The following DDX60L variants were observed in gnomAD, a reference collection of about 807,000 sequenced individuals.
The protein encoded by DDX60L is probable ATP-dependent RNA helicase DDX60-like.
In DDX60L, 191 loss-of-function variants were observed where a neutral mutation model predicts 211.6. The ratio of observed to expected loss-of-function variants is 0.90; its 90% CI spans 0.80 to 1.02. DDX60L has a LOEUF of 1.02. DDX60L is among the 50% of genes least tolerant of loss of function. DDX60L has a pLI of 0.00. For synonymous variants in DDX60L, 706 were observed against 694.1 expected, an observed-to-expected ratio of 1.02 and a Z score of -0.27; for missense variants, 2,007 against 1,984.1, an observed-to-expected ratio of 1.01 and a Z score of -0.22.
At position 168,442,365 on chromosome 4, in the gene DDX60L, T is replaced by C. The variant is rs1299175486; in HGVS notation, c.1139-873A>G. 4.0e-5 allele frequency among the ~76,000 whole-genome samples: 6 copies of C among 150,552 alleles called. 1 individual carries two copies. Among genetic ancestry groups the C allele is most frequent in the Admixed American group, 4.0e-4 (6 of 15,064 alleles). Reference sequence around the variant, plus strand: ...CTCAGAGGGTCCTACGCCCACGGAGTCTCGCTGATTGCTAGCACAGCAGTC... The same window carrying C: ...CTCAGAGGGTCCTACGCCCACGGAGCCTCGCTGATTGCTAGCACAGCAGTC... On this transcript the variant is annotated intron_variant, in intron 9 of 37. Transcript: ENST00000682922.
intron 7 of DDX60L, 147 bp from the exon 8 acceptor site, chr4:168,453,429 C>G (rs1756084280): frequency 2.7e-6 from 2 of 743,718 alleles, no homozygotes; most frequent in Non-Finnish European, 4.2e-6. Context: ...CTTGGCTGCA[C>G]TGATACAGAA....
chr4:168,416,806 G>T lies in DDX60L; in HGVS notation c.2611-9C>A. The T allele has an allele frequency of 7.1e-7, 1 of 1,417,208 alleles. No individual in the cohort carries two copies. Among genetic ancestry groups the T allele is most frequent in the Non-Finnish European group, 9.6e-7 (1 of 1,045,488 alleles). The allele number at this position is 1,417,208 out of a possible 1,614,324, so 87.8% of individuals were successfully genotyped here. ...CTGCCAAGATAATGGACCTAGTAAA[G>T]AAAAAAAAATCAGTTGAAAAGTTGA... On this transcript the variant is annotated splice_polypyrimidine_tract_variant and intron_variant, in intron 19 of 37. Transcript: ENST00000682922.
chr4:168,431,525 G>T (rs1752335677), intron 12 of DDX60L, among the ~76,000 whole-genome samples: 2 of 145,492 alleles, frequency 1.4e-5, no homozygotes, highest in South Asian at 4.4e-4. Context: ...ACACAGGAAG[G>T]GGAACATCAC....
intron 29 of DDX60L, among the ~76,000 whole-genome samples, chr4:168,390,693 C>T (rs1173630579): frequency 6.6e-6 from 1 of 151,050 alleles, no homozygotes; most frequent in Admixed American, 6.6e-5. Flanking sequence ...CTTTGACTTA[C>T]AATATATATC....
Position 168,416,698 on chromosome 4 carries a change from G to A in DDX60L, c.2710C>T (p.Pro904Ser). Residue 904 changes from proline to serine, a missense_variant, in exon 20 of 38, where the codon CCA (proline) becomes TCA (serine). Coordinates refer to ENST00000682922, the MANE Select transcript of DDX60L (RefSeq NM_001012967.3). ...TATACCTACTTGGTGAGAAGATTTG[G>A]GTTATTTATGGTAGCTGAAAGAACC... Reference protein sequence around the residue: ...FLVLSATINNPNLLTKWLQSV... With the variant: ...FLVLSATINNSNLLTKWLQSV... 6.3e-7 allele frequency: 1 copy of A among 1,595,464 alleles called. No homozygotes were observed. Among genetic ancestry groups the A allele is most frequent in the Non-Finnish European group, 8.5e-7 (1 of 1,173,040 alleles).
intron 12 of DDX60L, 53 bp from the exon 13 acceptor site, chr4:168,430,691 ATG>A (rs1253391660): frequency 7.4e-7 from 1 of 1,350,682 alleles, no homozygotes; most frequent in East Asian, 2.6e-5. Flanking sequence ...ATTGCTATAT[ATG>A]TGTGCTACCC....
chr4:168,366,135 G>C (rs889938701), intron 36 of DDX60L, among the ~76,000 whole-genome samples: 2 of 152,008 alleles, frequency 1.3e-5, no homozygotes, highest in African/African-American at 4.8e-5. Flanking sequence ...AGTAGTCCTA[G>C]CCAGGGCAAG....
chr4:168,427,134 A>T lies in DDX60L; in HGVS notation c.1866T>A (p.Phe622Leu). 1 of 1,609,136 alleles carries T rather than the reference A, an allele frequency of 6.2e-7. No homozygotes were observed. ...CAATTAATCCTAACATTTCAACTCC[A>T]AATTTCACTGAATTACTTGCACATG... is the stretch of plus-strand genomic sequence containing the variant. ...LTSCASNSVKFGVEMLGLIAC... is the reference protein window; with the variant it reads ...LTSCASNSVKLGVEMLGLIAC... Residue 622 changes from phenylalanine to leucine, a missense_variant, in exon 14 of 38, where the codon TTT becomes TTA. Physicochemically the swap from Phe to Leu is conservative, Grantham distance 22. Transcript: ENST00000682922.
At chr4:168,476,683 G>A (rs916987646) in intron 1 of DDX60L, among the ~76,000 whole-genome samples, 2 of 151,996 alleles carry the variant, frequency 1.3e-5, no homozygotes, top group African/African-American at 4.8e-5. Flanking sequence ...CATATGCATC[G>A]GATCAGAGGT....
chr4:168,368,440 C>T (rs1296202056), intron 36 of DDX60L, among the ~76,000 whole-genome samples: 3 of 152,230 alleles, frequency 2.0e-5, no homozygotes, highest in African/African-American at 7.2e-5. Flanking sequence ...TATGGAAACG[C>T]CTGGATGCCC....
At chr4:168,477,064 G>T (rs1759607077) in intron 1 of DDX60L, among the ~76,000 whole-genome samples, 1 of 152,128 alleles carries the variant, frequency 6.6e-6, no homozygotes, top group African/African-American at 2.4e-5. Context: ...ACTGAAATTT[G>T]TAAGTTGTAA....
intron 17 of DDX60L, 57 bp downstream of exon 17, chr4:168,421,703 C>T: frequency 6.3e-7 from 1 of 1,596,286 alleles, no homozygotes; most frequent in Admixed American, 1.7e-5. Flanking sequence ...CGTGTGCATT[C>T]TTTTTAAAGG....
intron 4 of DDX60L, among the ~76,000 whole-genome samples, chr4:168,466,770 G>C (rs966330121): frequency 7.9e-5 from 12 of 152,168 alleles, no homozygotes; most frequent in African/African-American, 2.9e-4. Context: ...AGAGTATCCA[G>C]GTGATGGATA....
chr4:168,416,384 G>A (rs934224025), intron 20 of DDX60L, among the ~76,000 whole-genome samples: 3 of 152,116 alleles, frequency 2.0e-5, no homozygotes, highest in African/African-American at 4.8e-5. Context: ...CTTTGGAGAA[G>A]ATGTTTTCCT....
At chr4:168,421,954 T>C in intron 16 of DDX60L, 45 bp from the exon 17 acceptor site, 1 of 1,612,556 alleles carries the variant, frequency 6.2e-7, no homozygotes. Context: ...GTGAACAGCA[T>C]GTTACCAAAA....
intron 7 of DDX60L, among the ~76,000 whole-genome samples, chr4:168,453,589 C>T (rs184241537): frequency 1.3e-5 from 2 of 152,246 alleles, no homozygotes; most frequent in Admixed American, 1.3e-4. Flanking sequence ...ATGTAAAATG[C>T]TCTGTCATTT....
Position 168,432,568 on chromosome 4 carries a change from T to C in DDX60L, c.1403A>G (p.Asp468Gly). The C allele has an allele frequency of 1.3e-6, 2 of 1,548,286 alleles. No homozygotes were observed. Among genetic ancestry groups the C allele is most frequent in the East Asian group, 2.3e-5 (1 of 42,894 alleles). ...AAACAGTGAAGGAACAACCGGATCA[T>C]CACTGTAAAAATAAATACATAATTT... is the stretch of plus-strand genomic sequence containing the variant. ...MMKDLPILKS[D>G]DPVVPSLFKQ... The change falls in exon 12 of 38, where the codon GAT becomes GGT. Residue 468 changes from aspartate (D) to glycine (G), a missense_variant and splice_region_variant. By Grantham distance (94) the Asp-to-Gly change is moderately conservative. Transcript: ENST00000682922.
chr4:168,420,642 G>GAGAT (rs3068291), intron 17 of DDX60L, among the ~76,000 whole-genome samples: 9,335 of 136,196 alleles, frequency 0.069, 316 homozygotes, highest in Non-Finnish European at 0.082. Flanking sequence ...ACACACACAT[G>GAGAT]AGATAGATAG....
chr4:168,396,280 C>A (rs913808181), intron 26 of DDX60L, among the ~76,000 whole-genome samples, 156 bp from the exon 27 acceptor site: 1 of 152,132 alleles, frequency 6.6e-6, no homozygotes, highest in Non-Finnish European at 1.5e-5. Flanking sequence ...CGTGCACTTC[C>A]ACCATTTCAT....
Sources: gnomAD v4.1 joint callset for allele counts (sites outside exome capture counted in the v4.1 genomes callset) on GRCh38, gnomAD v4.1.1 for gene constraint, MANE v1.5 for transcripts, NCBI Gene and HGNC (gene_info 2026-07-23, HGNC 2026-07-21) for gene names.